Variants in THSD7A observed in about 807,000 individuals in gnomAD.
The protein encoded by THSD7A is thrombospondin type 1 domain containing 7A.
A neutral mutation model predicts 231.3 loss-of-function variants in THSD7A; 96 were observed. The ratio of observed to expected loss-of-function variants is 0.41; its 90% CI spans 0.35 to 0.49. The LOEUF (loss-of-function observed/expected upper bound fraction) is 0.49. Ranked by LOEUF, THSD7A falls within the 20% of genes least tolerant of loss-of-function variation. The probability of loss-of-function intolerance (pLI) is 0.05; values close to 1 mark genes in which losing one functional copy is unlikely to be tolerated. For synonymous variants in THSD7A, 940 were observed against 743.3 expected, an observed-to-expected ratio of 1.26 and a Z score of -4.30; for missense variants, 2,290 against 2,070.2, an observed-to-expected ratio of 1.11 and a Z score of -2.06.
rs139278423 is a variant in THSD7A at position 11,492,785 on chromosome 7, T to C, written c.1823-10803A>G. On this transcript the variant is annotated intron_variant, in intron 6 of 27. Transcript: ENST00000423059. ...AGAATTAATCATCACCATTAAACTTTTCCAAAACTTCCCACTCTATCCTCT... is the reference window on the plus strand; with the variant it reads ...AGAATTAATCATCACCATTAAACTTCTCCAAAACTTCCCACTCTATCCTCT... Among the ~76,000 whole-genome samples the C allele has an allele frequency of 3.7e-3, 556 of 152,202 alleles. 3 individuals are homozygous for C. Among genetic ancestry groups the C allele is most frequent in the African/African-American group, 0.013 (526 of 41,558 alleles).
chr7:11,382,924 T>TATATATA (rs1782579199), intron 23 of THSD7A, among the ~76,000 whole-genome samples: 12 of 147,420 alleles, frequency 8.1e-5, no homozygotes, highest in African/African-American at 2.5e-4. Flanking sequence ...ATATATATAG[T>TATATATA]TATATATATA....
intron 6 of THSD7A, among the ~76,000 whole-genome samples, chr7:11,498,669 C>T (rs1787208992): frequency 6.6e-6 from 1 of 152,158 alleles, no homozygotes; most frequent in East Asian, 1.9e-4. Context: ...CCTATTCCTC[C>T]TCACTGGACA....
rs1023354138 is a variant in THSD7A at position 11,706,475 on chromosome 7, T to C, written c.191-69514A>G. ...CATTTATGGTTTGGCAGCTACACAA[T>C]CTACTTTTGTTCACAAGGCTAGTCT... On this transcript the variant is annotated intron_variant, in intron 1 of 27. Transcript: ENST00000423059. Among the ~76,000 whole-genome samples the C allele has an allele frequency of 1.3e-5, 2 of 150,782 alleles. 1 individual carries two copies. The highest frequency in any genetic ancestry group is 4.2e-4 in the South Asian group (2 of 4,800).
intron 1 of THSD7A, among the ~76,000 whole-genome samples, chr7:11,736,009 C>T (rs1158433673): frequency 6.6e-6 from 1 of 151,210 alleles, no homozygotes; most frequent in Non-Finnish European, 1.5e-5. Flanking sequence ...TTTTAGATAC[C>T]CACATATTAA....
chr7:11,451,726 G>A (rs188063683), intron 11 of THSD7A, among the ~76,000 whole-genome samples: 11 of 152,118 alleles, frequency 7.2e-5, no homozygotes, highest in Non-Finnish European at 1.3e-4. Flanking sequence ...AAGAGGACAT[G>A]GATATCTGTG....
chr7:11,674,835 G>A (rs1422556095), intron 1 of THSD7A, among the ~76,000 whole-genome samples: 1 of 152,078 alleles, frequency 6.6e-6, no homozygotes, highest in Non-Finnish European at 1.5e-5. Flanking sequence ...TGAAATAACA[G>A]ACACAGAATT....
chr7:11,489,127 T>C (rs957129251), intron 6 of THSD7A, among the ~76,000 whole-genome samples: 1 of 152,174 alleles, frequency 6.6e-6, no homozygotes, highest in Non-Finnish European at 1.5e-5. Context: ...TTATTCAGTA[T>C]CTTTTAGTCC....
At chr7:11,543,352 A>T (rs1423431770) in intron 4 of THSD7A, among the ~76,000 whole-genome samples, 1 of 152,222 alleles carries the variant, frequency 6.6e-6, no homozygotes, top group Admixed American at 6.5e-5. Context: ...TTTGATTACC[A>T]GTTTTACCAT....
intron 4 of THSD7A, among the ~76,000 whole-genome samples, chr7:11,545,046 T>C (rs77329280): frequency 0.11 from 16,989 of 152,088 alleles, 1,881 homozygotes; most frequent in African/African-American, 0.28. Flanking sequence ...TCTCTGAATA[T>C]AAAAAACTTG....
chr7:11,821,172 T>C, intron 1 of THSD7A: 2 of 1,140,948 alleles, frequency 1.8e-6, no homozygotes, highest in Non-Finnish European at 2.6e-6. Flanking sequence ...ATGTCATTCC[T>C]GAGGACCCAA....
intron 19 of THSD7A, among the ~76,000 whole-genome samples, chr7:11,408,269 G>A (rs1416809529): frequency 6.6e-6 from 1 of 152,140 alleles, no homozygotes; most frequent in East Asian, 1.9e-4. Context: ...AGCACTTTGG[G>A]AGACCGAGGT....
chr7:11,375,905 A>C, intron 27 of THSD7A, 27 bp from the exon 28 acceptor site: 2 of 1,602,456 alleles, frequency 1.2e-6, no homozygotes, highest in Non-Finnish European at 1.7e-6. Flanking sequence ...AATTAGGAGA[A>C]AGAAAATCAG....
chr7:11,601,895 G>A (rs759286829), intron 2 of THSD7A, among the ~76,000 whole-genome samples: 1 of 152,196 alleles, frequency 6.6e-6, no homozygotes, highest in Non-Finnish European at 1.5e-5. Context: ...ACTTGGCAAA[G>A]TTCACACAGA....
At chr7:11,780,482 C>G in intron 1 of THSD7A, among the ~76,000 whole-genome samples, 1 of 152,118 alleles carries the variant, frequency 6.6e-6, no homozygotes, top group East Asian at 1.9e-4. Context: ...CAGCCCTATA[C>G]AGAGATCCAT....
At position 11,377,572 on chromosome 7, in the gene THSD7A, G is replaced by A. The variant is rs1465348558; in HGVS notation, c.4802-915C>T. 1.3e-5 allele frequency among the ~76,000 whole-genome samples: 2 copies of A among 151,994 alleles called. No individual in the cohort carries two copies. Among genetic ancestry groups the A allele is most frequent in the Admixed American group, 1.3e-4 (2 of 15,234 alleles). ...GTACTGTGGAATTTTTTTGCCCGGA[G>A]TTAGATCAAGTTAGAGGTTCATTTG... On this transcript the variant is annotated intron_variant, in intron 26 of 27. Transcript: ENST00000423059. This position sits in a 1 kb window ranked among gnomAD's most constrained non-coding sequence, Gnocchi z 4.5.
rs1786094795 is a variant in THSD7A at position 11,474,895 on chromosome 7, T to C, written c.2018-327A>G. On this transcript the variant is annotated intron_variant, in intron 7 of 27. Coordinates refer to ENST00000423059, the MANE Select transcript of THSD7A (RefSeq NM_015204.3). The surrounding 1 kb of genome is among the most constrained non-coding windows in gnomAD (Gnocchi z 4.1). ...TAACTGGGATTCAAGGAGTACAATT[T>C]CACTACTTTTTGGAGTCTGAAGAAT... Among the ~76,000 whole-genome samples, 2 of 152,330 alleles carry C rather than the reference T, an allele frequency of 1.3e-5. No individual in the cohort carries two copies. The highest frequency in any genetic ancestry group is 4.1e-4 in the South Asian group (2 of 4,830).
At position 11,481,867 on chromosome 7, in the gene THSD7A, G is replaced by A; in HGVS notation, c.1938C>T (p.Cys646=). The A allele has an allele frequency of 6.2e-7, 1 of 1,613,774 alleles. No individual in the cohort carries two copies. Among genetic ancestry groups the A allele is most frequent in the African/African-American group, 1.3e-5 (1 of 75,040 alleles). The change falls in exon 7 of 28, where the codon TGC becomes TGT. Residue 646 remains cysteine (C), a synonymous_variant. Transcript: ENST00000423059. ...TCGTTTTCCCTGAGCAGGTGTGTGAGCAGGAGGACCACGTAGACCATGTGC... is the reference window on the plus strand; with the variant it reads ...TCGTTTTCCCTGAGCAGGTGTGTGAACAGGAGGACCACGTAGACCATGTGC... ...VLSTWSTWSS[C]SHTCSGKTTE...
In THSD7A at chr7:11,805,875, C is replaced by T. The variant is rs78908655; in HGVS notation, c.190+25882G>A. On this transcript the variant is annotated intron_variant, in intron 1 of 27. Transcript: ENST00000423059. ...TACATATATATGTCTCAATATTTCA[C>T]GTGTTTTGACTGTAACTAATGGATA... Among the ~76,000 whole-genome samples the T allele has an allele frequency of 7.7e-3, 1,173 of 152,090 alleles. 10 individuals are homozygous for T. The highest frequency in any genetic ancestry group is 0.027 in the African/African-American group (1,101 of 41,506).
chr7:11,669,935 C>T (rs1467347824), intron 1 of THSD7A, among the ~76,000 whole-genome samples: 1 of 151,870 alleles, frequency 6.6e-6, no homozygotes, highest in Non-Finnish European at 1.5e-5. Context: ...AATAACAACT[C>T]TCCCAAAGTT....
Sources: gnomAD v4.1 joint callset for allele counts (sites outside exome capture counted in the v4.1 genomes callset) on GRCh38, gnomAD v4.1.1 for gene constraint, Gnocchi (gnomAD v3.1) non-coding constraint, MANE v1.5 for transcripts, NCBI Gene and HGNC (gene_info 2026-07-23, HGNC 2026-07-21) for gene names.